PACRG: variants seen among roughly 807,000 people sequenced by gnomAD.
PACRG encodes parkin coregulated gene protein.
PACRG carries 29 observed loss-of-function variants against 29.7 expected under a neutral mutation model. The ratio of observed to expected loss-of-function variants is 0.98; its 90% confidence interval spans 0.73 to 1.33. The LOEUF is 1.33. PACRG is among the 40% of genes most tolerant of loss of function. PACRG has a pLI of 0.00. For synonymous variants in PACRG, 116 were observed against 118.7 expected (o/e 0.98, Z 0.15); for missense variants, 279 against 316.2 (o/e 0.88, Z 0.89).
intron 4 of PACRG, among the ~76,000 whole-genome samples, chr6:163,209,841 A>C (rs1203862061): frequency 2.0e-5 from 3 of 152,164 alleles, no homozygotes; most frequent in African/African-American, 7.2e-5. Flanking sequence ...TTTTACCTTC[A>C]CATTCTTTCT....
chr6:163,036,264 G>A (rs73783991), intron 2 of PACRG, among the ~76,000 whole-genome samples: 4,372 of 152,182 alleles, frequency 0.029, 213 homozygotes, highest in African/African-American at 0.1. Context: ...ATTGGCATTA[G>A]GGAATTATTT....
chr6:162,893,100 G>C (rs1444519917), intron 2 of PACRG, among the ~76,000 whole-genome samples: 1 of 151,542 alleles, frequency 6.6e-6, no homozygotes, highest in African/African-American at 2.4e-5. Context: ...GCGGGGTGAG[G>C]GCTATGAATG....
chr6:163,034,062 C>A (rs1205962221), intron 2 of PACRG, among the ~76,000 whole-genome samples: 1 of 152,178 alleles, frequency 6.6e-6, no homozygotes, highest in African/African-American at 2.4e-5. Flanking sequence ...TTCATTCAAC[C>A]AGTTTGCACA....
In PACRG at chr6:163,134,604, GA is replaced by G. The variant is rs545244504; in HGVS notation, c.613+45203del. 4.8e-4 allele frequency among the ~76,000 whole-genome samples: 73 copies of G among 152,070 alleles called. No individual in the cohort carries two copies. In the South Asian group the frequency reaches 5.4e-3, roughly 11 times the overall value. ...TCAATTTTGTAATGGCTTTTAAGGG[GA>G]AAAAAATACTCTATTAATGTACATC... On this transcript the variant is annotated intron_variant, in intron 4 of 4. Transcript: ENST00000366888.
At chr6:163,102,461 A>G (rs500019) in intron 4 of PACRG, among the ~76,000 whole-genome samples, 51,474 of 152,106 alleles carry the variant, frequency 0.34, 9,099 homozygotes, top group East Asian at 0.52. Flanking sequence ...CATCAGTGCT[A>G]CTAACATGCT....
chr6:163,237,454 T>C (rs1367006839), intron 4 of PACRG, among the ~76,000 whole-genome samples: 2 of 152,192 alleles, frequency 1.3e-5, no homozygotes, highest in African/African-American at 4.8e-5. Flanking sequence ...CTAGATGTTA[T>C]TAAATAGGGA....
At chr6:163,230,456 C>T (rs1294306313) in intron 4 of PACRG, among the ~76,000 whole-genome samples, 9 of 152,096 alleles carry the variant, frequency 5.9e-5, no homozygotes, top group Non-Finnish European at 8.8e-5. Context: ...ACTTCCCTTT[C>T]CTCCTCCTAT....
chr6:162,908,009 A>G (rs1796050187), intron 2 of PACRG, among the ~76,000 whole-genome samples: 1 of 151,976 alleles, frequency 6.6e-6, no homozygotes, highest in South Asian at 2.1e-4. Flanking sequence ...ACCAAGTGAC[A>G]TTTCCTGCAA....
intron 2 of PACRG, among the ~76,000 whole-genome samples, chr6:162,948,209 G>C (rs990382806): frequency 6.6e-6 from 1 of 152,002 alleles, no homozygotes; most frequent in African/African-American, 2.4e-5. Flanking sequence ...ATAGACCAGT[G>C]GAACAGAATA....
intron 4 of PACRG, among the ~76,000 whole-genome samples, chr6:163,308,681 G>GAAAAAAAAAAA (rs1167559955): frequency 7.4e-6 from 1 of 135,766 alleles, no homozygotes; most frequent in Non-Finnish European, 1.6e-5. Flanking sequence ...AAAAAAAAAG[G>GAAAAAAAAAAA]AAAATTTATT....
At chr6:163,184,454 A>G (rs1779821482) in intron 4 of PACRG, among the ~76,000 whole-genome samples, 4 of 152,242 alleles carry the variant, frequency 2.6e-5, no homozygotes, top group East Asian at 3.8e-4. Flanking sequence ...TCAGTGTCCA[A>G]TTGGAATGGA....
chr6:163,089,506 C>A, intron 4 of PACRG, 98 bp downstream of exon 4: 2 of 1,375,072 alleles, frequency 1.5e-6, no homozygotes, highest in Non-Finnish European at 2.0e-6. Flanking sequence ...TTTATTATTG[C>A]ATATAAACCA....
Position 163,269,873 on chromosome 6 carries a change from GAAAGAAAGAAAGAAAGAAAAC to G in PACRG, c.614-44934_614-44914del, listed in dbSNP as rs1286839196. ...AGAAAGAAAGAGAAAGAAAGAGAAA[GAAAGAAAGAAAGAAAGAAAAC>G]AAAGAAAGAAAGAAAGAAAGAAAGA... On this transcript the variant is annotated intron_variant, in intron 4 of 4. Transcript: ENST00000366888. 1.9e-3 allele frequency among the ~76,000 whole-genome samples: 95 copies of G among 49,718 alleles called. 21 individuals carry two copies. Among genetic ancestry groups the G allele is most frequent in the African/African-American group, 0.011 (92 of 8,698 alleles). 32.6% of individuals were successfully genotyped at this position (49,718 alleles called of 152,430 possible). A position where few individuals can be genotyped will look rare whatever the true frequency, so the allele number is the denominator to read the frequency against.
intron 4 of PACRG, among the ~76,000 whole-genome samples, chr6:163,204,476 A>G (rs1043551024): frequency 1.3e-5 from 2 of 152,144 alleles, no homozygotes; most frequent in Non-Finnish European, 2.9e-5. Context: ...CACCCATCCC[A>G]TCTGTTATCC....
chr6:163,200,767 G>T (rs1417917951), intron 4 of PACRG, among the ~76,000 whole-genome samples: 3 of 152,158 alleles, frequency 2.0e-5, no homozygotes, highest in African/African-American at 2.4e-5. Flanking sequence ...TTTTAATAGG[G>T]TGACCAATTG....
At chr6:163,028,844 G>A (rs1451095637) in intron 2 of PACRG, among the ~76,000 whole-genome samples, 1 of 152,118 alleles carries the variant, frequency 6.6e-6, no homozygotes, top group Non-Finnish European at 1.5e-5. Context: ...AAATTTGTTG[G>A]AAGTATCATT....
intron 2 of PACRG, among the ~76,000 whole-genome samples, chr6:162,900,933 T>C (rs1795517258): frequency 6.6e-6 from 1 of 152,186 alleles, no homozygotes; most frequent in Non-Finnish European, 1.5e-5. Context: ...ATACTCTATC[T>C]CCCTGACTAG....
chr6:162,967,984 G>T (rs1488653596), intron 2 of PACRG, among the ~76,000 whole-genome samples: 1 of 152,124 alleles, frequency 6.6e-6, no homozygotes, highest in Non-Finnish European at 1.5e-5. Flanking sequence ...AAAATTGGAT[G>T]CTATTCACAA....
intron 2 of PACRG, among the ~76,000 whole-genome samples, chr6:162,850,841 T>C (rs1351088303): frequency 2.6e-5 from 4 of 152,236 alleles, no homozygotes; most frequent in African/African-American, 4.8e-5. Context: ...AGCTTGAAGC[T>C]GGTTGGTCAG....
Sources: gnomAD v4.1 joint callset for allele counts (sites outside exome capture counted in the v4.1 genomes callset) on GRCh38, gnomAD v4.1.1 for gene constraint, MANE v1.5 for transcripts, NCBI Gene and HGNC (gene_info 2026-07-23, HGNC 2026-07-21) for gene names.